ZFPM2: variants seen among roughly 807,000 people sequenced by gnomAD.
ZFPM2 encodes zinc finger protein, FOG family member 2, also known as zinc finger protein ZFPM2.
ZFPM2 carries 20 observed loss-of-function variants against 98.6 expected under a neutral mutation model. The ratio of observed to expected loss-of-function variants is 0.20; its 90% CI spans 0.14 to 0.29. The LOEUF (loss-of-function observed/expected upper bound fraction) is 0.29. Among genes scored for constraint, ZFPM2 ranks in the 10% least tolerant of loss-of-function variants. The pLI is 1.00. For synonymous variants in ZFPM2, 518 were observed against 502.7 expected (o/e 1.03, Z -0.41); for missense variants, 1,310 against 1,388.6 (o/e 0.94, Z 0.90).
intron 1 of ZFPM2, among the ~76,000 whole-genome samples, chr8:105,349,759 A>G (rs1179434349): frequency 6.6e-6 from 1 of 152,216 alleles, no homozygotes; most frequent in Non-Finnish European, 1.5e-5. Flanking sequence ...ACATCTAACT[A>G]CCATGATATA....
chr8:105,522,488 A>G (rs746545164), intron 3 of ZFPM2, among the ~76,000 whole-genome samples: 7 of 152,058 alleles, frequency 4.6e-5, no homozygotes, highest in Non-Finnish European at 5.9e-5. Flanking sequence ...AAATATATTT[A>G]TGGCTGGGCG....
chr8:105,358,986 C>A (rs1176955928), intron 1 of ZFPM2, among the ~76,000 whole-genome samples: 1 of 152,094 alleles, frequency 6.6e-6, no homozygotes, highest in Admixed American at 6.6e-5. Flanking sequence ...GTCTGTGGAA[C>A]CCCAGAGGTA....
At chr8:105,675,326 A>T (rs1810418881) in intron 5 of ZFPM2, among the ~76,000 whole-genome samples, 2 of 152,296 alleles carry the variant, frequency 1.3e-5, no homozygotes, top group South Asian at 4.1e-4. Context: ...TGAGAATTTG[A>T]CCAAGTCAAT....
intron 5 of ZFPM2, among the ~76,000 whole-genome samples, chr8:105,749,810 A>AG (rs1320934893): frequency 6.6e-6 from 1 of 151,958 alleles, no homozygotes; most frequent in Non-Finnish European, 1.5e-5. Flanking sequence ...GAGTGGAGGA[A>AG]GGGGGGCAGA....
At position 105,388,848 on chromosome 8, in the gene ZFPM2, C is replaced by G. The variant is rs554445871; in HGVS notation, c.41-30296C>G. 3.9e-5 allele frequency among the ~76,000 whole-genome samples: 6 copies of G among 152,256 alleles called. No individual in the cohort carries two copies. The South Asian group carries it at 1.0e-3, about 26-fold the overall frequency. ...TGCTCAGTTCCCTGAAATAAATTCC[C>G]TCTAGTTAAGAACTCAGAACTGTTT... On this transcript the variant is annotated intron_variant, in intron 1 of 7. Coordinates refer to ENST00000407775, the MANE Select transcript of ZFPM2 (RefSeq NM_012082.4).
intron 5 of ZFPM2, among the ~76,000 whole-genome samples, chr8:105,697,168 A>G (rs992906538): frequency 3.3e-5 from 5 of 151,764 alleles, no homozygotes; most frequent in African/African-American, 1.2e-4. Flanking sequence ...GATACTTTAT[A>G]GTTCCACTTC....
intron 1 of ZFPM2, among the ~76,000 whole-genome samples, chr8:105,363,303 G>C (rs1810442925): frequency 6.6e-6 from 1 of 152,050 alleles, no homozygotes; most frequent in African/African-American, 2.4e-5. Context: ...TCTTTCCACT[G>C]TGGGTAGCCA....
rs552799827 is a variant in ZFPM2, at chr8:105,444,742, C to A, written c.301+361C>A. 4.5e-4 allele frequency among the ~76,000 whole-genome samples: 68 copies of A among 152,194 alleles called. 1 individual carries two copies. The highest frequency in any genetic ancestry group is 6.8e-3 in the Middle Eastern group (2 of 292). ...CAGTACTTCAAAGAACTATCATTTT[C>A]AGTTTAGTCATGTTTTAAATCATAG... is the stretch of plus-strand genomic sequence containing the variant. On this transcript the variant is annotated intron_variant, in intron 3 of 7. Coordinates refer to ENST00000407775, the MANE Select transcript of ZFPM2 (RefSeq NM_012082.4).
At chr8:105,528,600 G>A (rs1814225791) in intron 3 of ZFPM2, among the ~76,000 whole-genome samples, 1 of 152,096 alleles carries the variant, frequency 6.6e-6, no homozygotes, top group Non-Finnish European at 1.5e-5. Flanking sequence ...GTATGGGGTG[G>A]ATTATTTGGA....
intron 6 of ZFPM2, among the ~76,000 whole-genome samples, chr8:105,789,382 A>G (rs1353180365): frequency 1.3e-5 from 2 of 152,062 alleles, no homozygotes; most frequent in African/African-American, 4.8e-5. Flanking sequence ...ATGATTTCCA[A>G]TTTCATCCAT....
At chr8:105,612,028 T>A (rs1180151478) in intron 4 of ZFPM2, among the ~76,000 whole-genome samples, 1 of 152,130 alleles carries the variant, frequency 6.6e-6, no homozygotes, top group Non-Finnish European at 1.5e-5. Flanking sequence ...CAAGAATTCA[T>A]ATTTAATGCA....
intron 5 of ZFPM2, among the ~76,000 whole-genome samples, chr8:105,701,394 G>A (rs1054352160): frequency 6.6e-6 from 1 of 152,100 alleles, no homozygotes; most frequent in Non-Finnish European, 1.5e-5. Flanking sequence ...TCTGCTATTA[G>A]TGGTGAATTA....
At chr8:105,517,707 CCACACACACACACACA>C (rs1554613621) in intron 3 of ZFPM2, among the ~76,000 whole-genome samples, 1 of 124,890 alleles carries the variant, frequency 8.0e-6, no homozygotes, top group Non-Finnish European at 1.6e-5. Flanking sequence ...CACACACACA[CCACACACACACACACA>C]CACACACACA....
At chr8:105,583,034 GT>G (rs1182554974) in intron 4 of ZFPM2, among the ~76,000 whole-genome samples, 3 of 152,170 alleles carry the variant, frequency 2.0e-5, no homozygotes, top group Non-Finnish European at 4.4e-5. Context: ...AATTTGGATA[GT>G]TTCCTTCAAC....
intron 1 of ZFPM2, among the ~76,000 whole-genome samples, chr8:105,335,746 A>T (rs904953876): frequency 6.6e-6 from 1 of 151,826 alleles, no homozygotes; most frequent in African/African-American, 2.4e-5. Flanking sequence ...AAGATGATCA[A>T]GTTAGAACTA....
chr8:105,675,189 GCTCTA>G (rs1368546231), intron 5 of ZFPM2, among the ~76,000 whole-genome samples: 1 of 152,154 alleles, frequency 6.6e-6, no homozygotes, highest in Non-Finnish European at 1.5e-5. Flanking sequence ...TTTACTCACT[GCTCTA>G]ATATATCTTT....
At chr8:105,379,642 A>G (rs1203801509) in intron 1 of ZFPM2, among the ~76,000 whole-genome samples, 2 of 151,814 alleles carry the variant, frequency 1.3e-5, no homozygotes, top group Admixed American at 1.3e-4. Context: ...AATCCCAGCT[A>G]CTTGGGAGGC....
At chr8:105,381,885 A>G (rs1258791900) in intron 1 of ZFPM2, among the ~76,000 whole-genome samples, 1 of 152,094 alleles carries the variant, frequency 6.6e-6, no homozygotes, top group Non-Finnish European at 1.5e-5. Context: ...CTACACTGTC[A>G]ACATGATATA....
At chr8:105,427,851 T>A (rs1811945556) in intron 2 of ZFPM2, among the ~76,000 whole-genome samples, 1 of 152,238 alleles carries the variant, frequency 6.6e-6, no homozygotes. Flanking sequence ...AGATTGGCAT[T>A]AGGGCTATGT....
Sources: allele counts gnomAD v4.1 joint callset (sites outside exome capture counted in the v4.1 genomes callset), GRCh38; gene constraint gnomAD v4.1.1; transcripts MANE v1.5; gene names NCBI Gene and HGNC (gene_info 2026-07-23, HGNC 2026-07-21).